The following CNTN5 variants were observed in gnomAD, a reference collection of about 807,000 sequenced individuals.
CNTN5 encodes the protein contactin 5.
In CNTN5, 77 loss-of-function variants were observed where a neutral mutation model predicts 129.1. The ratio of observed to expected loss-of-function variants is 0.60; its 90% CI spans 0.50 to 0.72. The LOEUF is 0.72. CNTN5 is among the 30% of genes least tolerant of loss of function. The pLI, the probability that CNTN5 is intolerant of heterozygous loss-of-function variation, is 0.00. For synonymous variants in CNTN5, 509 were observed against 465.6 expected, an observed-to-expected ratio of 1.09 and a Z score of -1.20; for missense variants, 1,478 against 1,328.8, an observed-to-expected ratio of 1.11 and a Z score of -1.75.
chr11:100,014,912 C>T (rs1053582538), intron 9 of CNTN5, among the ~76,000 whole-genome samples: 2 of 152,186 alleles, frequency 1.3e-5, no homozygotes, highest in Non-Finnish European at 2.9e-5. Context: ...TCTCCACACT[C>T]ACCCATCATC....
chr11:99,833,122 C>G (rs760946225), intron 4 of CNTN5, among the ~76,000 whole-genome samples: 6 of 152,138 alleles, frequency 3.9e-5, no homozygotes, highest in Non-Finnish European at 7.3e-5. Context: ...TTTCTGAGAA[C>G]CTGGCTGCAG....
chr11:99,913,400 C>T (rs1949711007), intron 6 of CNTN5, among the ~76,000 whole-genome samples: 1 of 151,790 alleles, frequency 6.6e-6, no homozygotes, highest in African/African-American at 2.4e-5. Context: ...AATGTACATA[C>T]CCCATGAAAG....
chr11:99,776,955 A>G (rs1145375), intron 3 of CNTN5, among the ~76,000 whole-genome samples: 101,977 of 151,662 alleles, frequency 0.67, 34,391 homozygotes, highest in East Asian at 0.72. Flanking sequence ...TTTCTCTAAG[A>G]AATTATGTTA....
chr11:99,822,902 C>G (rs187087462), intron 4 of CNTN5, among the ~76,000 whole-genome samples: 212 of 152,282 alleles, frequency 1.4e-3, no homozygotes, highest in Middle Eastern at 3.4e-3. Flanking sequence ...TCTTGTTTGT[C>G]TTTTTTGCTT....
intron 16 of CNTN5, among the ~76,000 whole-genome samples, chr11:100,226,143 A>T (rs192853723): frequency 1.6e-3 from 246 of 152,232 alleles, no homozygotes; most frequent in Non-Finnish European, 2.7e-3. Context: ...CTTTCAATAC[A>T]TTCTATTCCA....
rs550160981 is a variant in CNTN5 at position 99,854,096 on chromosome 11, G to T, written c.577+8834G>T. Among the ~76,000 whole-genome samples, 4 of 152,228 alleles carry T rather than the reference G, an allele frequency of 2.6e-5. No homozygotes were observed. In the South Asian group the frequency reaches 8.3e-4, roughly 32 times the overall value. ...GGGTGTTAGCCTATAGTGAGCAATG[G>T]ACATATTAATAGTGCTTGAGGCTAG... is the stretch of plus-strand genomic sequence containing the variant. On this transcript the variant is annotated intron_variant, in intron 6 of 24. Transcript: ENST00000524871.
At chr11:99,977,387 G>T (rs957828860) in intron 8 of CNTN5, among the ~76,000 whole-genome samples, 9 of 152,156 alleles carry the variant, frequency 5.9e-5, no homozygotes, top group Admixed American at 1.3e-4. Flanking sequence ...GTTTTCAGGT[G>T]TCTTTACAGC....
At chr11:99,844,721 T>C (rs1235671032) in intron 4 of CNTN5, 131 bp from the exon 5 acceptor site, 9 of 785,106 alleles carry the variant, frequency 1.1e-5, no homozygotes, top group Non-Finnish European at 1.8e-5. Flanking sequence ...CTATTCCTTC[T>C]TTTGGGAATT....
At chr11:99,875,482 G>C (rs958232790) in intron 6 of CNTN5, among the ~76,000 whole-genome samples, 8 of 151,636 alleles carry the variant, frequency 5.3e-5, no homozygotes, top group South Asian at 4.2e-4. Context: ...GAATAATATA[G>C]GAAGCTCATA....
chr11:99,715,692 C>T (rs1955189768), intron 3 of CNTN5, among the ~76,000 whole-genome samples: 1 of 151,744 alleles, frequency 6.6e-6, no homozygotes, highest in Non-Finnish European at 1.5e-5. Flanking sequence ...TCTCTTTATC[C>T]TGGGAAGATC....
intron 2 of CNTN5, among the ~76,000 whole-genome samples, chr11:99,446,607 T>C (rs2135172442): frequency 6.6e-6 from 1 of 152,338 alleles, no homozygotes; most frequent in East Asian, 1.9e-4. Context: ...AGTCAGCTAA[T>C]CTGGTCTGTA....
At chr11:99,913,312 G>A (rs1227069815) in intron 6 of CNTN5, among the ~76,000 whole-genome samples, 1 of 151,888 alleles carries the variant, frequency 6.6e-6, no homozygotes, top group African/African-American at 2.4e-5. Context: ...CCATCATCTT[G>A]CTTGGTACAG....
intron 6 of CNTN5, among the ~76,000 whole-genome samples, chr11:99,855,320 A>AAAC (rs1047923559): frequency 3.9e-5 from 6 of 152,234 alleles, no homozygotes; most frequent in South Asian, 4.2e-4. Context: ...AAAAGCAAAC[A>AAAC]AACAACAACA....
intron 4 of CNTN5, among the ~76,000 whole-genome samples, chr11:99,830,709 A>G (rs890181877): frequency 3.9e-5 from 6 of 152,192 alleles, no homozygotes; most frequent in Admixed American, 1.3e-4. Flanking sequence ...ATGACCATTC[A>G]TCAAAACTTT....
chr11:100,313,664 GCTACCATA>G (rs1221830031), intron 21 of CNTN5, among the ~76,000 whole-genome samples: 1 of 151,914 alleles, frequency 6.6e-6, no homozygotes, highest in Non-Finnish European at 1.5e-5. Context: ...TTAAATCCAT[GCTACCATA>G]GGAAAGCATC....
At chr11:99,675,068 C>T (rs1313081698) in intron 3 of CNTN5, among the ~76,000 whole-genome samples, 1 of 152,008 alleles carries the variant, frequency 6.6e-6, no homozygotes, top group Non-Finnish European at 1.5e-5. Context: ...CTAGGGATGC[C>T]TCTTCAGTGT....
intron 7 of CNTN5, among the ~76,000 whole-genome samples, chr11:99,930,788 T>A (rs898062324): frequency 1.2e-4 from 3 of 24,644 alleles, no homozygotes; most frequent in Admixed American, 5.2e-4. Context: ...AATAAACACA[T>A]ACACACAAAC....
At chr11:99,964,055 T>G (rs1470518957) in intron 8 of CNTN5, among the ~76,000 whole-genome samples, 3 of 152,318 alleles carry the variant, frequency 2.0e-5, no homozygotes, top group East Asian at 1.9e-4. Flanking sequence ...AAGGAGATTT[T>G]GGGGTGAGAC....
At chr11:99,682,730 C>T (rs1953612356) in intron 3 of CNTN5, among the ~76,000 whole-genome samples, 1 of 151,678 alleles carries the variant, frequency 6.6e-6, no homozygotes, top group Non-Finnish European at 1.5e-5. Context: ...ACAGTCATTC[C>T]AAAAAGTTAA....
Sources: gnomAD v4.1 joint callset for allele counts (sites outside exome capture counted in the v4.1 genomes callset) on GRCh38, gnomAD v4.1.1 for gene constraint, MANE v1.5 for transcripts, NCBI Gene and HGNC (gene_info 2026-07-23, HGNC 2026-07-21) for gene names.